JUP: variants seen among roughly 807,000 people sequenced by gnomAD.
The protein encoded by JUP is catenin (cadherin-associated protein), gamma 80kDa.
JUP carries 28 observed loss-of-function variants against 71.1 expected under a neutral mutation model. That is an observed-to-expected ratio of 0.39 (90% CI 0.29 to 0.54). The LOEUF is 0.54. Ranked by LOEUF, JUP falls within the 20% of genes least tolerant of loss-of-function variation. The pLI, the probability that JUP is intolerant of heterozygous loss-of-function variation, is 0.62. For missense variants in JUP, 869 were observed against 1,030.1 expected, an observed-to-expected ratio of 0.84 and a Z score of 2.14; for synonymous variants, 401 against 438.9, an observed-to-expected ratio of 0.91 and a Z score of 1.08.
At chr17:41,764,847 C>T (rs201997431) in intron 6 of JUP, 31 bp from the exon 7 acceptor site, 22 of 1,611,986 alleles carry the variant, frequency 1.4e-5, no homozygotes, top group Middle Eastern at 1.7e-4. Flanking sequence ...CCATCAGCCA[C>T]GGGGAGCATG....
At chr17:41,784,971 GT>G (rs1223512541) in intron 1 of JUP, 11 of 150,806 alleles carry the variant, frequency 7.3e-5, no homozygotes, top group African/African-American at 2.7e-4. Flanking sequence ...CCAATTCTGG[GT>G]GGGGGGGGGC....
rs145808264 is a variant in JUP at position 41,757,656 on chromosome 17, C to A, written c.1902G>T (p.Leu634=). Residue 634 remains leucine, a synonymous_variant, in exon 11 of 14, where the codon CTG becomes CTT. Transcript: ENST00000393931. ...EGASAPLMEL[L]HSRNEGTATY... is the part of the protein sequence containing the mutation. ...CACCAGTGCCCTCGTTGCGGGAGTG[C>A]AGCAACTCCATGAGTGGGGCCGAGG... 3.6e-5 allele frequency: 58 copies of A among 1,613,618 alleles called. No homozygotes were observed. Among genetic ancestry groups the A allele is most frequent in the East Asian group, 1.8e-4 (8 of 44,864 alleles).
rs1915146634 is a variant in JUP, at chr17:41,763,040, A to G, written c.1440T>C (p.Tyr480=). The stretch of plus-strand genomic sequence containing the variant: ...GCAGCTTCACGATGGCTGGGATGCC[A>G]TAGTTGAGACGCACAGAGTTCTGGG... ...EMAQNSVRLN[Y]GIPAIVKLLN... Residue 480 remains tyrosine (Y), a synonymous_variant, in exon 8 of 14, where the codon TAT becomes TAC. Coordinates refer to ENST00000393931, the MANE Select transcript of JUP (RefSeq NM_002230.4). The G allele has an allele frequency of 6.2e-7, 1 of 1,614,122 alleles. No individual in the cohort carries two copies. Among genetic ancestry groups the G allele is most frequent in the Non-Finnish European group, 8.5e-7 (1 of 1,179,996 alleles).
At chr17:41,769,320 T>C (rs1916210863) in intron 3 of JUP, 98 bp downstream of exon 3, 8 of 1,563,698 alleles carry the variant, frequency 5.1e-6, no homozygotes, top group Non-Finnish European at 7.0e-6. Context: ...AGAGTCTGGG[T>C]CATAACCTCC....
At chr17:41,758,064 C>T in intron 10 of JUP, 1 of 547,032 alleles carries the variant, frequency 1.8e-6, no homozygotes, top group Non-Finnish European at 3.2e-6. Flanking sequence ...TGTTATGGTA[C>T]TTGCACATAT....
rs2047469927 is a variant in JUP, at chr17:41,786,616, CGGGGTCGGGCCGGGGT to C, written c.-53_-38del. On this transcript the variant is annotated 5_prime_UTR_variant, in exon 1 of 14. Transcript: ENST00000393931. ...AGTATGGGGCCTGACCGGGCCGGGT[CGGGGTCGGGCCGGGGT>C]GGGAGCCGGCGCGGACAGCGAACTG... is the stretch of plus-strand genomic sequence containing the variant. The C allele has an allele frequency of 6.6e-6, 1 of 152,448 alleles. No homozygotes were observed. The highest frequency in any genetic ancestry group is 1.5e-5 in the Non-Finnish European group (1 of 68,266). The allele number at this position is 152,448 out of a possible 1,614,324, so 9.4% of individuals were successfully genotyped here. A position where few individuals can be genotyped will look rare whatever the true frequency, so the allele number is the denominator to read the frequency against.
intron 2 of JUP, 30 bp from the exon 3 acceptor site, chr17:41,769,707 C>T: frequency 6.2e-7 from 1 of 1,601,410 alleles, no homozygotes. Context: ...GGACTGAGTG[C>T]AGGCAGTGGG....
intron 8 of JUP, among the ~76,000 whole-genome samples, chr17:41,760,483 C>G (rs1310384281): frequency 6.6e-6 from 1 of 152,002 alleles, no homozygotes; most frequent in Non-Finnish European, 1.5e-5. Context: ...TGGTCTCGAT[C>G]TCCTGACCTC....
chr17:41,760,410 C>A (rs8065522), intron 8 of JUP, among the ~76,000 whole-genome samples: 4,636 of 151,600 alleles, frequency 0.031, 214 homozygotes, highest in African/African-American at 0.11. Flanking sequence ...CGCCCGCCAC[C>A]ACGCCTGGCT....
chr17:41,769,162 TCTTCGACAGCTGGTTC>T lies in JUP; in HGVS notation c.498_513del (p.Asn167ArgfsTer8). ...ATCAGGGCCCGCCGCGACGCCTCCT[TCTTCGACAGCTGGTTC>T]ACAATCATGGCCGCCTTGGTCACCA... On this transcript the variant is annotated frameshift_variant, in exon 4 of 14. Transcript: ENST00000393931. LOFTEE classifies it high-confidence loss of function. The T allele has an allele frequency of 6.2e-7, 1 of 1,604,752 alleles. No homozygotes were observed.
In JUP at chr17:41,762,986, G is replaced by T; in HGVS notation, c.1494C>A (p.Val498=). The T allele has an allele frequency of 6.2e-7, 1 of 1,612,950 alleles. No individual in the cohort carries two copies. Among genetic ancestry groups the T allele is most frequent in the South Asian group, 1.1e-5 (1 of 90,992 alleles). The change falls in exon 8 of 14, where the codon GTC becomes GTA. Residue 498 remains valine (V), a synonymous_variant. Coordinates refer to ENST00000393931, the MANE Select transcript of JUP (RefSeq NM_002230.4). Reference sequence around the variant, plus strand: ...TCCCCTCGCCTAACAGCAGTACCTTGACCAGTGGCCACTGGTTGGGCTGGT... The same window carrying T: ...TCCCCTCGCCTAACAGCAGTACCTTTACCAGTGGCCACTGGTTGGGCTGGT... ...LLNQPNQWPL[V]KATIGLIRNL... is the part of the protein sequence containing the mutation.
At chr17:41,783,992 GTAT>G (rs2047320852) in intron 1 of JUP, among the ~76,000 whole-genome samples, 1 of 151,886 alleles carries the variant, frequency 6.6e-6, no homozygotes, top group Non-Finnish European at 1.5e-5. Context: ...GGGTAGATAG[GTAT>G]TAGTATTCCC....
intron 1 of JUP, among the ~76,000 whole-genome samples, chr17:41,774,896 T>C (rs1266469886): frequency 6.7e-6 from 1 of 150,350 alleles, no homozygotes; most frequent in East Asian, 2.0e-4. Context: ...AGGTCAGGAG[T>C]TCAAGACCAT....
chr17:41,760,005 G>C (rs1319165749), intron 8 of JUP, among the ~76,000 whole-genome samples: 1 of 151,666 alleles, frequency 6.6e-6, no homozygotes, highest in Non-Finnish European at 1.5e-5. Flanking sequence ...CTTTAGGTCA[G>C]GAGTTCGAGA....
chr17:41,773,111 G>C (rs1470214554), intron 1 of JUP: 1 of 523,576 alleles, frequency 1.9e-6, no homozygotes, highest in East Asian at 1.5e-4. Context: ...ACCAAGGTCT[G>C]TAGTCTTTGC....
rs371945567 is a variant in JUP at position 41,765,509 on chromosome 17, G to A, written c.910-442C>T. 2.3e-3 allele frequency among the ~76,000 whole-genome samples: 345 copies of A among 151,658 alleles called. 2 individuals carry two copies. The highest frequency in any genetic ancestry group is 8.0e-3 in the African/African-American group (332 of 41,274). ...TGGGATTACAGGCGTGTGCCATCACGCCCGGCTAATTTCTGTAGTTTTTGG... is the reference window on the plus strand; with the variant it reads ...TGGGATTACAGGCGTGTGCCATCACACCCGGCTAATTTCTGTAGTTTTTGG... On this transcript the variant is annotated intron_variant, in intron 5 of 13. Coordinates refer to ENST00000393931, the MANE Select transcript of JUP (RefSeq NM_002230.4).
intron 1 of JUP, chr17:41,785,913 G>A (rs782091289): frequency 6.6e-6 from 1 of 152,042 alleles, no homozygotes; most frequent in African/African-American, 2.4e-5. Flanking sequence ...CTCCGCTGAA[G>A]AAGCCAGAGC....
chr17:41,773,474 T>G (rs1338056492), intron 1 of JUP, among the ~76,000 whole-genome samples: 1 of 152,204 alleles, frequency 6.6e-6, no homozygotes, highest in Non-Finnish European at 1.5e-5. Flanking sequence ...TCAGGCTGAT[T>G]AAACAGAAGC....
chr17:41,758,693 G>A (rs1555599659), intron 9 of JUP, 22 bp downstream of exon 9: 3 of 1,598,184 alleles, frequency 1.9e-6, no homozygotes, highest in Non-Finnish European at 2.6e-6. Context: ...AAGGCTGTCA[G>A]AGGCACCACC....
Sources: gnomAD v4.1 joint callset for allele counts (sites outside exome capture counted in the v4.1 genomes callset) on GRCh38, gnomAD v4.1.1 for gene constraint, MANE v1.5 for transcripts, NCBI Gene and HGNC (gene_info 2026-07-23, HGNC 2026-07-21) for gene names.